SNCAIP: variants seen among roughly 807,000 people sequenced by gnomAD.
SNCAIP encodes the protein synuclein alpha interacting protein.
A neutral mutation model predicts 86.7 loss-of-function variants in SNCAIP; 43 were observed. That is an observed-to-expected ratio of 0.50 (90% CI 0.39 to 0.64). The LOEUF (loss-of-function observed/expected upper bound fraction) is 0.64, where lower values mean the gene tolerates loss of function less well. Ranked by LOEUF, SNCAIP falls within the 30% of genes least tolerant of loss-of-function variation. The pLI, the probability that SNCAIP is intolerant of heterozygous loss-of-function variation, is 0.00. For synonymous variants in SNCAIP, 417 were observed against 427.2 expected, an observed-to-expected ratio of 0.98 and a Z score of 0.29; for missense variants, 981 against 1,103.1, an observed-to-expected ratio of 0.89 and a Z score of 1.57.
At chr5:122,458,417 T>C (rs904496859) in intron 10 of SNCAIP, among the ~76,000 whole-genome samples, 3 of 151,514 alleles carry the variant, frequency 2.0e-5, no homozygotes, top group African/African-American at 7.3e-5. Context: ...AGCACATACA[T>C]GTTCTATTAA....
chr5:122,387,338 T>C (rs892472191), intron 1 of SNCAIP, among the ~76,000 whole-genome samples: 2 of 152,116 alleles, frequency 1.3e-5, no homozygotes, highest in African/African-American at 4.8e-5. Flanking sequence ...TTTTGCATTT[T>C]TAGTAGAGAT....
At chr5:122,386,121 A>G (rs749093029) in intron 1 of SNCAIP, among the ~76,000 whole-genome samples, 3 of 152,200 alleles carry the variant, frequency 2.0e-5, no homozygotes, top group Non-Finnish European at 2.9e-5. Context: ...TTTGTTGGCC[A>G]CTATAAGCTT....
chr5:122,440,859 T>C, intron 7 of SNCAIP, 105 bp downstream of exon 7: 1 of 1,071,362 alleles, frequency 9.3e-7, no homozygotes, highest in South Asian at 1.3e-5. Context: ...ATTCACCTTT[T>C]GTATGGTCGT....
intron 1 of SNCAIP, chr5:122,313,027 A>G (rs964063719): frequency 2.6e-5 from 4 of 152,276 alleles, no homozygotes; most frequent in African/African-American, 7.2e-5. Flanking sequence ...ACTGGCAGCC[A>G]TACAGTTTCC....
At chr5:122,351,536 C>CAAAAAAAAAAAA (rs541191012) in intron 1 of SNCAIP, among the ~76,000 whole-genome samples, 581 of 36,500 alleles carry the variant, frequency 0.016, 127 homozygotes, top group Non-Finnish European at 0.022. Context: ...GACTCTGTAT[C>CAAAAAAAAAAAA]AAAAAAAAAA....
chr5:122,462,277 A>G (rs1045041689), intron 10 of SNCAIP, among the ~76,000 whole-genome samples: 2 of 152,008 alleles, frequency 1.3e-5, no homozygotes, highest in African/African-American at 2.4e-5. Flanking sequence ...TGCTAAATCA[A>G]CTCTAAATGT....
chr5:122,433,341 A>T (rs914453329), intron 6 of SNCAIP, among the ~76,000 whole-genome samples: 1 of 152,150 alleles, frequency 6.6e-6, no homozygotes. Context: ...AAAGAGAGTT[A>T]CATGACTTGC....
chr5:122,378,343 G>A (rs1349947463), intron 1 of SNCAIP, among the ~76,000 whole-genome samples: 1 of 134,750 alleles, frequency 7.4e-6, no homozygotes, highest in Non-Finnish European at 1.6e-5. Context: ...GTCTTCTTTT[G>A]AGAAGTGTCT....
At chr5:122,452,122 A>G (rs1259912322) in intron 10 of SNCAIP, among the ~76,000 whole-genome samples, 1 of 152,204 alleles carries the variant, frequency 6.6e-6, no homozygotes, top group Non-Finnish European at 1.5e-5. Context: ...ACCTCCACAT[A>G]GGTATTTTAC....
chr5:122,343,464 A>G (rs1475900667), intron 1 of SNCAIP, among the ~76,000 whole-genome samples: 2 of 152,232 alleles, frequency 1.3e-5, no homozygotes, highest in Non-Finnish European at 2.9e-5. Flanking sequence ...TGCCTTTTAT[A>G]TGTAAGCAGT....
Position 122,365,334 on chromosome 5 carries a change from C to T in SNCAIP, c.-46-25755C>T, listed in dbSNP as rs75299438. Among the ~76,000 whole-genome samples, 407 of 152,186 alleles carry T rather than the reference C, an allele frequency of 2.7e-3. 3 individuals carry two copies. The highest frequency in any genetic ancestry group is 4.0e-3 in the Admixed American group (61 of 15,292). On this transcript the variant is annotated intron_variant, in intron 1 of 10. Coordinates refer to ENST00000261368, the MANE Select transcript of SNCAIP (RefSeq NM_005460.4). ...TAAGACTTTTTCTATAGTACCAGTGCAAAAAATGTGGGATACCGTCTACGG... is the reference window on the plus strand; with the variant it reads ...TAAGACTTTTTCTATAGTACCAGTGTAAAAAATGTGGGATACCGTCTACGG...
intron 1 of SNCAIP, among the ~76,000 whole-genome samples, chr5:122,343,630 G>A (rs769686712): frequency 1.4e-4 from 21 of 152,194 alleles, no homozygotes; most frequent in Non-Finnish European, 1.9e-4. Flanking sequence ...AGAAAAGCCG[G>A]TTATATACCT....
At chr5:122,375,576 G>A (rs1309089407) in intron 1 of SNCAIP, among the ~76,000 whole-genome samples, 1 of 150,200 alleles carries the variant, frequency 6.7e-6, no homozygotes, top group Non-Finnish European at 1.5e-5. Flanking sequence ...GTTCTAAAAA[G>A]GCTGCATTGA....
chr5:122,327,181 G>A (rs1187449243), intron 1 of SNCAIP, among the ~76,000 whole-genome samples: 2 of 152,016 alleles, frequency 1.3e-5, no homozygotes. Flanking sequence ...TATTCTAAAT[G>A]ATTTCACTGT....
chr5:122,352,151 C>T (rs970735862), intron 1 of SNCAIP, among the ~76,000 whole-genome samples: 4 of 152,154 alleles, frequency 2.6e-5, no homozygotes, highest in African/African-American at 9.7e-5. Flanking sequence ...TATCAGATGT[C>T]ACCCAGACAC....
intron 7 of SNCAIP, among the ~76,000 whole-genome samples, chr5:122,442,581 AAAG>A (rs1781292780): frequency 6.6e-6 from 1 of 152,214 alleles, no homozygotes; most frequent in South Asian, 2.1e-4. Context: ...CAGAAATATT[AAAG>A]GAGTAGCATT....
At chr5:122,432,120 C>T (rs758811641) in intron 6 of SNCAIP, 38 bp downstream of exon 6, 1 of 858,892 alleles carries the variant, frequency 1.2e-6, no homozygotes, top group South Asian at 1.4e-5. Context: ...CCTTTGTGTA[C>T]CATATAATCT....
At chr5:122,368,799 C>T (rs538817105) in intron 1 of SNCAIP, among the ~76,000 whole-genome samples, 2 of 152,298 alleles carry the variant, frequency 1.3e-5, no homozygotes, top group South Asian at 4.1e-4. Context: ...TGAAGTTTCT[C>T]TCCATTCACT....
In SNCAIP at chr5:122,451,113, G is replaced by A. The variant is rs768676179; in HGVS notation, c.2266G>A (p.Glu756Lys). 26 of 1,614,086 alleles carry A rather than the reference G, an allele frequency of 1.6e-5. No individual in the cohort carries two copies. The South Asian group carries it at 2.1e-4, about 13-fold the overall frequency. ...HSPSPTSESS[E>K]PDLESQYPGS... ...CCCATCTCCCACCTCAGAGAGCAGC[G>A]AACCAGACTTAGAATCCCAGTATCC... is the stretch of plus-strand genomic sequence containing the variant. The change falls in exon 10 of 11, where the codon GAA becomes AAA. Residue 756 changes from glutamate (E) to lysine (K), a missense_variant. Glu to Lys is a moderately conservative substitution (Grantham distance 56). Transcript: ENST00000261368.
Sources: gnomAD v4.1 joint callset for allele counts (sites outside exome capture counted in the v4.1 genomes callset) on GRCh38, gnomAD v4.1.1 for gene constraint, MANE v1.5 for transcripts, NCBI Gene and HGNC (gene_info 2026-07-23, HGNC 2026-07-21) for gene names.